The following SMOC1 variants were observed in gnomAD, a reference collection of about 807,000 sequenced individuals.
SMOC1 encodes the protein SPARC related modular calcium binding 1.
Under a neutral mutation model 56.3 loss-of-function variants are expected in SMOC1, and 22 were observed. The observed-to-expected ratio is 0.39, with a 90% CI of 0.28 to 0.56. The LOEUF (loss-of-function observed/expected upper bound fraction) is 0.56. SMOC1 is among the 20% of genes least tolerant of loss of function. SMOC1 has a pLI of 0.61. For missense variants in SMOC1, 509 were observed against 565.4 expected (o/e 0.90, Z 1.01); for synonymous variants, 193 against 215.0 (o/e 0.90, Z 0.89).
chr14:69,979,915 C>G (rs1360845352), intron 5 of SMOC1, among the ~76,000 whole-genome samples: 1 of 152,172 alleles, frequency 6.6e-6, no homozygotes, highest in Non-Finnish European at 1.5e-5. Context: ...GAATAAAGTG[C>G]ACACACACTA....
intron 1 of SMOC1, among the ~76,000 whole-genome samples, chr14:69,950,106 T>G (rs1026469454): frequency 6.6e-6 from 1 of 152,186 alleles, no homozygotes; most frequent in South Asian, 2.1e-4. Flanking sequence ...AAGATTCAGG[T>G]GTGACCTGTG....
intron 7 of SMOC1, among the ~76,000 whole-genome samples, chr14:69,995,275 T>G (rs1475820445): frequency 6.6e-6 from 1 of 152,266 alleles, no homozygotes; most frequent in African/African-American, 2.4e-5. Context: ...AATCAATTAA[T>G]GAGTGTCCTG....
intron 3 of SMOC1, among the ~76,000 whole-genome samples, chr14:69,964,025 A>G (rs1883478106): frequency 6.6e-6 from 1 of 152,158 alleles, no homozygotes; most frequent in Admixed American, 6.5e-5. Flanking sequence ...GGACTCGCCT[A>G]TCCCACTCTC....
intron 11 of SMOC1, among the ~76,000 whole-genome samples, chr14:70,027,904 G>A (rs956522010): frequency 6.6e-6 from 1 of 152,272 alleles, no homozygotes; most frequent in Admixed American, 6.5e-5. Flanking sequence ...GCTCTGCAGG[G>A]CGGCAGAAAA....
Position 69,879,443 on chromosome 14 carries a change from C to G in SMOC1, c.-236C>G, listed in dbSNP as rs938629057. 2 of 384,952 alleles carry G rather than the reference C, an allele frequency of 5.2e-6. No homozygotes were observed. The highest frequency in any genetic ancestry group is 9.3e-5 in the Admixed American group (2 of 21,396). 23.8% of individuals were successfully genotyped at this position (384,952 alleles called of 1,614,324 possible). A position where few individuals can be genotyped will look rare whatever the true frequency, so the allele number is the denominator to read the frequency against. On this transcript the variant is annotated 5_prime_UTR_variant, in exon 1 of 12. Transcript: ENST00000361956. The stretch of plus-strand genomic sequence containing the variant: ...GCGTCCAACCTGCTGCCGCCTGGGC[C>G]CCGCCGAGCGGAGCTAGCGCCGCGC...
chr14:69,879,545 C>T lies in SMOC1; in HGVS notation c.-134C>T, dbSNP rs1185893857. 6 of 597,222 alleles carry T rather than the reference C, an allele frequency of 1.0e-5. No individual in the cohort carries two copies. In the Admixed American group the frequency reaches 1.3e-4, roughly 13 times the overall value. 37.0% of individuals were successfully genotyped at this position (597,222 alleles called of 1,614,324 possible). ...GTCCCCTGACCGCAGCCTCTGCGAG[C>T]CCCCGCCGCAGGACCACGGCCCGCT... On this transcript the variant is annotated 5_prime_UTR_variant, in exon 1 of 12. Transcript: ENST00000361956.
intron 5 of SMOC1, among the ~76,000 whole-genome samples, chr14:69,979,393 T>C (rs1594835586): frequency 6.6e-6 from 1 of 151,818 alleles, no homozygotes; most frequent in Non-Finnish European, 1.5e-5. Flanking sequence ...TGGGCAAAAA[T>C]GAGAAAGTGG....
At chr14:70,002,052 C>T (rs1474992445) in intron 7 of SMOC1, among the ~76,000 whole-genome samples, 1 of 152,190 alleles carries the variant, frequency 6.6e-6, no homozygotes, top group Non-Finnish European at 1.5e-5. Flanking sequence ...CATCCCCTAC[C>T]TCTAGTTCCC....
chr14:69,981,673 G>A (rs11627861), intron 5 of SMOC1, among the ~76,000 whole-genome samples: 8,801 of 152,226 alleles, frequency 0.058, 360 homozygotes, highest in African/African-American at 0.12. Context: ...GAAGGCTGAA[G>A]AAGTAGAGAT....
intron 1 of SMOC1, among the ~76,000 whole-genome samples, chr14:69,926,218 C>T (rs1885007917): frequency 1.3e-5 from 2 of 152,182 alleles, no homozygotes; most frequent in African/African-American, 4.8e-5. Context: ...ATTCTGAGGG[C>T]AGTGATGAAG....
intron 1 of SMOC1, among the ~76,000 whole-genome samples, chr14:69,897,566 C>T (rs913808123): frequency 1.4e-5 from 2 of 143,080 alleles, no homozygotes; most frequent in East Asian, 2.0e-4. Context: ...AGCAATTATA[C>T]TTAAAAAAAA....
At chr14:69,895,767 A>G (rs117361829) in intron 1 of SMOC1, among the ~76,000 whole-genome samples, 1 of 151,398 alleles carries the variant, frequency 6.6e-6, no homozygotes, top group Non-Finnish European at 1.5e-5. Flanking sequence ...CTTTCCCCCC[A>G]TCAAGGTAGA....
intron 3 of SMOC1, among the ~76,000 whole-genome samples, chr14:69,956,550 T>C (rs1883194612): frequency 6.6e-6 from 1 of 150,642 alleles, no homozygotes; most frequent in African/African-American, 2.4e-5. Context: ...GGTATTAACA[T>C]ATTTTAGCCC....
chr14:69,956,253 C>G (rs144402284), intron 3 of SMOC1, among the ~76,000 whole-genome samples: 1,524 of 152,286 alleles, frequency 0.01, 31 homozygotes, highest in African/African-American at 0.035. Context: ...GGTGGGCAGC[C>G]AGACGGCCAG....
chr14:70,019,236 C>CA (rs1885627479), intron 10 of SMOC1, among the ~76,000 whole-genome samples: 1 of 152,200 alleles, frequency 6.6e-6, no homozygotes. Flanking sequence ...CAGAAGTCAA[C>CA]AGGACAGTCA....
chr14:69,966,687 G>GA (rs1303582671), intron 3 of SMOC1, among the ~76,000 whole-genome samples: 3 of 152,092 alleles, frequency 2.0e-5, no homozygotes, highest in African/African-American at 7.2e-5. Flanking sequence ...TTCTCACAAT[G>GA]AAAAAATCCA....
chr14:69,976,053 CCTT>C (rs1376069880), intron 4 of SMOC1, among the ~76,000 whole-genome samples: 23 of 152,304 alleles, frequency 1.5e-4, no homozygotes, highest in African/African-American at 5.1e-4. Context: ...TCAATGCTCT[CCTT>C]CTAAGCACTG....
In SMOC1 at chr14:70,010,965, G is replaced by A. The variant is rs752441677; in HGVS notation, c.857+19G>A. On this transcript the variant is annotated intron_variant, in intron 8 of 11. Transcript: ENST00000361956. ...CCACACGGTAAGCCCCCCAGACTGG[G>A]TCCTGGGAAAAACGCACCTGCTGGC... 1 of 1,611,746 alleles carries A rather than the reference G, an allele frequency of 6.2e-7. No individual in the cohort carries two copies. The highest frequency in any genetic ancestry group is 8.5e-7 in the Non-Finnish European group (1 of 1,179,900).
At chr14:69,898,815 T>C (rs1408668010) in intron 1 of SMOC1, among the ~76,000 whole-genome samples, 1 of 152,138 alleles carries the variant, frequency 6.6e-6, no homozygotes, top group Admixed American at 6.6e-5. Context: ...CTCTTCAAAC[T>C]GTGTGTTTTG....
Sources: allele counts gnomAD v4.1 joint callset (sites outside exome capture counted in the v4.1 genomes callset), GRCh38; gene constraint gnomAD v4.1.1; transcripts MANE v1.5; gene names NCBI Gene and HGNC (gene_info 2026-07-23, HGNC 2026-07-21).